The following PTPRD variants were observed in gnomAD, a reference collection of about 807,000 sequenced individuals.
PTPRD encodes receptor-type tyrosine-protein phosphatase delta.
In PTPRD, 34 loss-of-function variants were observed where a neutral mutation model predicts 214.5. The observed-to-expected ratio is 0.16, with a 90% CI of 0.12 to 0.21. The LOEUF (loss-of-function observed/expected upper bound fraction) is 0.21. Among genes scored for constraint, PTPRD ranks in the 10% least tolerant of loss-of-function variants. The probability of loss-of-function intolerance (pLI) is 1.00; values close to 1 mark genes in which losing one functional copy is unlikely to be tolerated. For synonymous variants in PTPRD, 1,128 were observed against 845.7 expected, an observed-to-expected ratio of 1.33 and a Z score of -5.79; for missense variants, 2,545 against 2,398.7, an observed-to-expected ratio of 1.06 and a Z score of -1.27.
At chr9:9,646,820 C>T (rs1238154810) in intron 7 of PTPRD, among the ~76,000 whole-genome samples, 1 of 152,066 alleles carries the variant, frequency 6.6e-6, no homozygotes, top group Non-Finnish European at 1.5e-5. Context: ...AGATGAACAA[C>T]AATAACTAAG....
rs76003652 is a variant in PTPRD at position 9,421,724 on chromosome 9, G to A, written c.-236-24242C>T. Among the ~76,000 whole-genome samples the A allele has an allele frequency of 8.1e-3, 1,225 of 152,146 alleles. 24 individuals carry two copies. Among genetic ancestry groups the A allele is most frequent in the East Asian group, 0.061 (313 of 5,164 alleles). ...CAAAAGAAAATATTCATGCAATACAGTCAGCTGTACCCTTATTGAAAAGCT... is the reference window on the plus strand; with the variant it reads ...CAAAAGAAAATATTCATGCAATACAATCAGCTGTACCCTTATTGAAAAGCT... On this transcript the variant is annotated intron_variant, in intron 8 of 45. Coordinates refer to ENST00000381196, the MANE Select transcript of PTPRD (RefSeq NM_002839.4).
chr9:9,954,894 A>T (rs906840730), intron 4 of PTPRD, among the ~76,000 whole-genome samples: 2 of 152,180 alleles, frequency 1.3e-5, no homozygotes, highest in African/African-American at 4.8e-5. Context: ...CATCTTATTC[A>T]AAACGAGATT....
chr9:8,856,335 A>AGTATCTAT (rs1375394697), intron 11 of PTPRD, among the ~76,000 whole-genome samples: 1 of 152,196 alleles, frequency 6.6e-6, no homozygotes, highest in Non-Finnish European at 1.5e-5. Flanking sequence ...AATGGTCAGA[A>AGTATCTAT]GTATCTATGG....
chr9:8,329,703 CAGAGATGCCCTG>C (rs988347605), intron 44 of PTPRD, among the ~76,000 whole-genome samples: 2 of 152,094 alleles, frequency 1.3e-5, no homozygotes, highest in Non-Finnish European at 2.9e-5. Context: ...GTCTTTCTTT[CAGAGATGCCCTG>C]CCCAGGGAGG....
intron 3 of PTPRD, among the ~76,000 whole-genome samples, chr9:10,040,434 A>G (rs1453648141): frequency 6.6e-6 from 1 of 152,054 alleles, no homozygotes. Flanking sequence ...CCAATTATAC[A>G]GGCAGCCAAA....
chr9:10,139,200 G>A (rs867589301), intron 3 of PTPRD, among the ~76,000 whole-genome samples: 1 of 151,766 alleles, frequency 6.6e-6, no homozygotes, highest in Middle Eastern at 3.4e-3. Flanking sequence ...GCAGCTTCAG[G>A]ATACAAGATA....
chr9:10,522,303 C>T (rs1278143890), intron 2 of PTPRD, among the ~76,000 whole-genome samples: 1 of 152,146 alleles, frequency 6.6e-6, no homozygotes, highest in Non-Finnish European at 1.5e-5. Context: ...GCTCTGAATA[C>T]ACAGCCCTCA....
chr9:10,209,518 T>C (rs200351631), intron 3 of PTPRD, among the ~76,000 whole-genome samples: 1 of 152,072 alleles, frequency 6.6e-6, no homozygotes, highest in African/African-American at 2.4e-5. Context: ...TGCCCCTTGC[T>C]CCCATGTTCT....
chr9:9,824,245 C>A (rs910111737), intron 5 of PTPRD, among the ~76,000 whole-genome samples: 2 of 151,860 alleles, frequency 1.3e-5, no homozygotes, highest in South Asian at 2.1e-4. Context: ...TAGAAATACT[C>A]AACCTGCATC....
At chr9:8,348,753 C>T (rs572942048) in intron 39 of PTPRD, among the ~76,000 whole-genome samples, 14 of 152,294 alleles carry the variant, frequency 9.2e-5, no homozygotes, top group African/African-American at 3.1e-4. Context: ...GCGTTTGTGA[C>T]GCTGGACCTT....
chr9:10,466,285 A>G (rs558127976), intron 2 of PTPRD, among the ~76,000 whole-genome samples: 77 of 152,304 alleles, frequency 5.1e-4, no homozygotes, highest in African/African-American at 1.9e-3. Flanking sequence ...GAATGCAGGC[A>G]GACTTCACTG....
chr9:9,589,329 T>C (rs772990520), intron 7 of PTPRD, among the ~76,000 whole-genome samples: 28 of 151,968 alleles, frequency 1.8e-4, no homozygotes, highest in Non-Finnish European at 2.2e-4. Context: ...GCTATTTTTT[T>C]TTTCATTTAT....
intron 7 of PTPRD, among the ~76,000 whole-genome samples, chr9:9,646,621 C>T (rs1356302397): frequency 6.6e-6 from 1 of 152,042 alleles, no homozygotes; most frequent in African/African-American, 2.4e-5. Flanking sequence ...AATATGCCTT[C>T]TTCCTCCTCT....
chr9:10,423,824 T>G (rs994656444), intron 2 of PTPRD, among the ~76,000 whole-genome samples: 2 of 152,004 alleles, frequency 1.3e-5, no homozygotes, highest in African/African-American at 4.8e-5. Context: ...TGATTTCCAC[T>G]GCATGTTTTT....
At chr9:8,758,906 C>T (rs10977283) in intron 11 of PTPRD, among the ~76,000 whole-genome samples, 4 of 151,960 alleles carry the variant, frequency 2.6e-5, no homozygotes, top group Admixed American at 6.6e-5. Flanking sequence ...AGGATGGTCT[C>T]GATCTCCTGA....
At chr9:10,305,376 G>A (rs890468552) in intron 3 of PTPRD, among the ~76,000 whole-genome samples, 3 of 95,854 alleles carry the variant, frequency 3.1e-5, no homozygotes, top group Admixed American at 1.2e-4. Flanking sequence ...AACACCAAAA[G>A]CAATGGCAAA....
chr9:10,311,616 C>A (rs953567758), intron 3 of PTPRD, among the ~76,000 whole-genome samples: 1 of 152,054 alleles, frequency 6.6e-6, no homozygotes. Flanking sequence ...GGGCACCAAG[C>A]TGTTGTGAGA....
At chr9:9,760,377 T>A (rs1490825614) in intron 6 of PTPRD, among the ~76,000 whole-genome samples, 1 of 152,094 alleles carries the variant, frequency 6.6e-6, no homozygotes, top group African/African-American at 2.4e-5. Context: ...CAGTAAAATT[T>A]TTGAGGGTAA....
intron 26 of PTPRD, among the ~76,000 whole-genome samples, chr9:8,496,270 T>C (rs1324734150): frequency 6.6e-6 from 1 of 151,710 alleles, no homozygotes; most frequent in Non-Finnish European, 1.5e-5. Flanking sequence ...CCTTAAATTC[T>C]CAACTAAGCT....
Sources: allele counts gnomAD v4.1 joint callset (sites outside exome capture counted in the v4.1 genomes callset), GRCh38; gene constraint gnomAD v4.1.1; transcripts MANE v1.5; gene names NCBI Gene and HGNC (gene_info 2026-07-23, HGNC 2026-07-21).